Variants in ATP8A2 observed in about 807,000 individuals in gnomAD.
ATP8A2 encodes ATPase phospholipid transporting 8A2.
Under a neutral mutation model 165.6 loss-of-function variants are expected in ATP8A2, and 100 were observed. The ratio of observed to expected loss-of-function variants is 0.60; its 90% CI spans 0.51 to 0.71. The LOEUF (loss-of-function observed/expected upper bound fraction) is 0.71. ATP8A2 is among the 30% of genes least tolerant of loss of function. ATP8A2 has a pLI of 0.00. For synonymous variants in ATP8A2, 543 were observed against 548.8 expected (o/e 0.99, Z 0.15); for missense variants, 1,227 against 1,479.5 (o/e 0.83, Z 2.80).
chr13:25,532,804 C>T (rs932165013), intron 5 of ATP8A2, among the ~76,000 whole-genome samples: 1 of 152,026 alleles, frequency 6.6e-6, no homozygotes, highest in Non-Finnish European at 1.5e-5. Flanking sequence ...GTAGCTGGGA[C>T]TACAGGCAAG....
intron 10 of ATP8A2, among the ~76,000 whole-genome samples, chr13:25,550,428 T>C (rs1221765151): frequency 2.6e-5 from 4 of 152,202 alleles, no homozygotes; most frequent in African/African-American, 7.2e-5. Flanking sequence ...TTTAATAAAA[T>C]GACTTCAGGT....
At chr13:25,597,142 A>C (rs1464967081) in intron 24 of ATP8A2, among the ~76,000 whole-genome samples, 1 of 152,202 alleles carries the variant, frequency 6.6e-6, no homozygotes, top group Non-Finnish European at 1.5e-5. Context: ...GAGTTTTCTG[A>C]ATATATAATT....
intron 27 of ATP8A2, among the ~76,000 whole-genome samples, chr13:25,802,727 C>T (rs762090229): frequency 8.5e-5 from 13 of 152,178 alleles, no homozygotes; most frequent in East Asian, 5.8e-4. Context: ...AAAAGTCAAC[C>T]TCCCACCTAA....
At chr13:25,973,717 T>G (rs1157164364) in intron 35 of ATP8A2, among the ~76,000 whole-genome samples, 1 of 152,240 alleles carries the variant, frequency 6.6e-6, no homozygotes, top group Non-Finnish European at 1.5e-5. Flanking sequence ...ATCACACCTC[T>G]AAGTCAAAAT....
chr13:25,732,399 T>G (rs1416947705), intron 25 of ATP8A2, among the ~76,000 whole-genome samples: 2 of 152,208 alleles, frequency 1.3e-5, no homozygotes, highest in Admixed American at 1.3e-4. Context: ...GCTGGTGATA[T>G]TCGAGGTAGT....
At chr13:25,580,431 C>T (rs1425542570) in intron 22 of ATP8A2, among the ~76,000 whole-genome samples, 2 of 152,146 alleles carry the variant, frequency 1.3e-5, no homozygotes, top group Admixed American at 6.5e-5. Context: ...AGCTCACTTT[C>T]AATTTATTGG....
Position 25,426,510 on chromosome 13 carries a change from T to C in ATP8A2, c.77-42467T>C, listed in dbSNP as rs182490931. Among the ~76,000 whole-genome samples, 205 of 152,242 alleles carry C rather than the reference T, an allele frequency of 1.3e-3. 3 individuals are homozygous for C. The highest frequency in any genetic ancestry group is 4.5e-3 in the African/African-American group (188 of 41,542). On this transcript the variant is annotated intron_variant, in intron 1 of 36. Coordinates refer to ENST00000381655, the MANE Select transcript of ATP8A2 (RefSeq NM_016529.6). ...TGAGGGGACAAATATCCAAACTATA[T>C]GAAGCACGGAGGATTTTGAGAGCAG...
At chr13:25,950,910 A>T (rs1469855388) in intron 33 of ATP8A2, 1 of 152,204 alleles carries the variant, frequency 6.6e-6, no homozygotes, top group Non-Finnish European at 1.5e-5. Context: ...GGTGGTGGGA[A>T]GGTTTGCCAG....
rs772946415 is a variant in ATP8A2, at chr13:26,019,846, A to ATTCTCCTGTTAACCAGT, written c.3470-32_3470-16dup. On this transcript the variant is annotated intron_variant, in intron 36 of 36. Coordinates refer to ENST00000381655, the MANE Select transcript of ATP8A2 (RefSeq NM_016529.6). ...ATTTTAAACCTAGTGTGCTCCCCCA[A>ATTCTCCTGTTAACCAGT]TTCTCCTGTTAACCAGTTTCTCCTG... The ATTCTCCTGTTAACCAGT allele has an allele frequency of 5.8e-5, 84 of 1,454,716 alleles. 1 individual carries two copies. The African/African-American group carries it at 1.0e-3, about 18-fold the overall frequency. The allele number at this position is 1,454,716 out of a possible 1,614,324, so 90.1% of individuals were successfully genotyped here.
At chr13:25,969,744 A>G (rs1955871900) in intron 35 of ATP8A2, among the ~76,000 whole-genome samples, 1 of 152,248 alleles carries the variant, frequency 6.6e-6, no homozygotes, top group African/African-American at 2.4e-5. Flanking sequence ...AAGTTTATTA[A>G]GCATTCATTT....
chr13:25,993,107 G>T (rs1340088064), intron 35 of ATP8A2, among the ~76,000 whole-genome samples: 4 of 151,720 alleles, frequency 2.6e-5, no homozygotes, highest in Non-Finnish European at 4.4e-5. Context: ...ATTTGGGTTG[G>T]TTCCAAGTCT....
chr13:25,488,814 A>G (rs1434635235), intron 2 of ATP8A2, among the ~76,000 whole-genome samples: 2 of 152,106 alleles, frequency 1.3e-5, no homozygotes, highest in East Asian at 3.9e-4. Flanking sequence ...TACCACAGTA[A>G]GCACCACTTT....
chr13:25,388,890 C>A (rs2033149495), intron 1 of ATP8A2, among the ~76,000 whole-genome samples: 1 of 152,088 alleles, frequency 6.6e-6, no homozygotes, highest in Admixed American at 6.5e-5. Flanking sequence ...GATGTCTCCA[C>A]ATGTTTGATG....
intron 25 of ATP8A2, among the ~76,000 whole-genome samples, chr13:25,717,424 A>AAAAAAC (rs1329902556): frequency 2.6e-5 from 4 of 151,220 alleles, no homozygotes; most frequent in African/African-American, 9.7e-5. Context: ...AAACTAAAAA[A>AAAAAAC]AAAAAAAAAA....
chr13:25,395,977 G>A (rs1358427535), intron 1 of ATP8A2, among the ~76,000 whole-genome samples: 1 of 143,572 alleles, frequency 7.0e-6, no homozygotes, highest in Non-Finnish European at 1.5e-5. Flanking sequence ...CTGAGTAGCT[G>A]GGACTACAGG....
chr13:25,875,741 T>C (rs978463139), intron 33 of ATP8A2, among the ~76,000 whole-genome samples: 1 of 149,484 alleles, frequency 6.7e-6, no homozygotes, highest in Admixed American at 6.6e-5. Flanking sequence ...GGCATGATAT[T>C]CATTGATATT....
intron 33 of ATP8A2, among the ~76,000 whole-genome samples, chr13:25,875,671 G>A (rs1952803342): frequency 6.7e-6 from 1 of 149,572 alleles, no homozygotes; most frequent in Non-Finnish European, 1.5e-5. Context: ...CCCAAAGAAT[G>A]ATAGACACTT....
chr13:25,558,295 T>C (rs1015960016), intron 13 of ATP8A2, among the ~76,000 whole-genome samples: 2 of 152,226 alleles, frequency 1.3e-5, no homozygotes, highest in African/African-American at 2.4e-5. Context: ...TCCATACCCC[T>C]AGACTTACTG....
At chr13:25,885,530 C>A (rs907432339) in intron 33 of ATP8A2, among the ~76,000 whole-genome samples, 1 of 152,140 alleles carries the variant, frequency 6.6e-6, no homozygotes, top group Non-Finnish European at 1.5e-5. Flanking sequence ...AGGGCTGGAG[C>A]CTGCTGGGGT....
Sources: gnomAD v4.1 joint callset for allele counts (sites outside exome capture counted in the v4.1 genomes callset) on GRCh38, gnomAD v4.1.1 for gene constraint, MANE v1.5 for transcripts, NCBI Gene and HGNC (gene_info 2026-07-23, HGNC 2026-07-21) for gene names.